The following GRM8 variants were observed in gnomAD, a reference collection of about 807,000 sequenced individuals.
GRM8 encodes the protein glutamate metabotropic receptor 8.
In GRM8, 47 loss-of-function variants were observed where a neutral mutation model predicts 87.2. The observed-to-expected ratio is 0.54, with a 90% confidence interval of 0.43 to 0.69. The LOEUF is 0.69. Ranked by LOEUF, GRM8 falls within the 30% of genes least tolerant of loss-of-function variation. The pLI is 0.00. For missense variants in GRM8, 1,019 were observed against 1,139.2 expected (o/e 0.89, Z 1.52); for synonymous variants, 396 against 404.5 (o/e 0.98, Z 0.25).
In GRM8 at chr7:126,902,657, G is replaced by T. The variant is rs369413691; in HGVS notation, c.1041C>A (p.Ser347Arg). Residue 347 changes from serine (S) to arginine (R), a missense_variant, in exon 6 of 11, where the codon AGC becomes AGA. By Grantham distance (110) the Ser-to-Arg change is moderately radical. Transcript: ENST00000339582. ...TTCTTCGATTATTGGCAAGAGTTCG[G>T]CTTCTAAAGTATCGATCAAATCCTA... ...SIDGFDRYFRSRTLANNRRNV... is the reference protein window; with the variant it reads ...SIDGFDRYFRRRTLANNRRNV... 1.4e-5 allele frequency: 23 copies of T among 1,604,398 alleles called. No homozygotes were observed. The highest frequency in any genetic ancestry group is 1.8e-5 in the Non-Finnish European group (21 of 1,175,606).
intron 3 of GRM8, among the ~76,000 whole-genome samples, chr7:127,046,353 C>G (rs770541608): frequency 7.9e-5 from 12 of 151,328 alleles, no homozygotes; most frequent in Middle Eastern, 3.2e-3. Context: ...GCCTGGGCAA[C>G]AGAGCGAGAC....
At chr7:126,883,973 G>C (rs1379959362) in intron 6 of GRM8, among the ~76,000 whole-genome samples, 1 of 152,088 alleles carries the variant, frequency 6.6e-6, no homozygotes, top group African/African-American at 2.4e-5. Flanking sequence ...TTAGACAGGA[G>C]ACAAAACAGA....
At chr7:127,087,294 C>T (rs1563493823) in intron 3 of GRM8, among the ~76,000 whole-genome samples, 1 of 152,156 alleles carries the variant, frequency 6.6e-6, no homozygotes, top group African/African-American at 2.4e-5. Context: ...CAGGACTGGA[C>T]ATTTTAATAA....
intron 6 of GRM8, among the ~76,000 whole-genome samples, chr7:126,890,266 T>C (rs1328991281): frequency 2.6e-5 from 4 of 152,086 alleles, no homozygotes; most frequent in Non-Finnish European, 5.9e-5. Context: ...TAAGCAACAG[T>C]ATCTGTTATA....
At chr7:126,478,020 C>T (rs1268913896) in intron 9 of GRM8, among the ~76,000 whole-genome samples, 1 of 152,108 alleles carries the variant, frequency 6.6e-6, no homozygotes, top group Non-Finnish European at 1.5e-5. Flanking sequence ...GCCTTCTCTT[C>T]TACTCTAAGG....
At chr7:126,909,816 G>A (rs1229405621) in intron 3 of GRM8, among the ~76,000 whole-genome samples, 1 of 152,078 alleles carries the variant, frequency 6.6e-6, no homozygotes, top group African/African-American at 2.4e-5. Flanking sequence ...TTTCTGATAA[G>A]GAAAATGAGA....
intron 7 of GRM8, among the ~76,000 whole-genome samples, chr7:126,642,047 A>G (rs1045927261): frequency 1.3e-5 from 2 of 152,150 alleles, no homozygotes; most frequent in Non-Finnish European, 2.9e-5. Flanking sequence ...ATGAGTAGAT[A>G]TTGGGTAGGC....
At chr7:127,078,756 A>C (rs150686250) in intron 3 of GRM8, among the ~76,000 whole-genome samples, 1 of 152,242 alleles carries the variant, frequency 6.6e-6, no homozygotes, top group African/African-American at 2.4e-5. Flanking sequence ...GTAACAGCCT[A>C]TCTAAATATT....
chr7:126,815,574 T>A (rs1183375744), intron 6 of GRM8, among the ~76,000 whole-genome samples: 1 of 152,120 alleles, frequency 6.6e-6, no homozygotes, highest in Non-Finnish European at 1.5e-5. Flanking sequence ...ATAGTAATAC[T>A]TCTTGCTGTA....
At chr7:126,748,602 GTTTTTTTT>G (rs35336284) in intron 7 of GRM8, among the ~76,000 whole-genome samples, 5 of 118,778 alleles carry the variant, frequency 4.2e-5, no homozygotes, top group South Asian at 2.7e-4. Context: ...AGCAGGTCGG[GTTTTTTTT>G]TTTTTTTTTT....
chr7:126,700,667 G>C (rs1275735171), intron 7 of GRM8, among the ~76,000 whole-genome samples: 3 of 152,048 alleles, frequency 2.0e-5, no homozygotes, highest in Admixed American at 2.0e-4. Flanking sequence ...CCCTGAGCAG[G>C]TCCATTCTCA....
chr7:126,580,267 C>A (rs929045300), intron 8 of GRM8, among the ~76,000 whole-genome samples: 1 of 152,040 alleles, frequency 6.6e-6, no homozygotes, highest in Non-Finnish European at 1.5e-5. Flanking sequence ...CCAAAATTTT[C>A]TTTTTAAATA....
chr7:126,966,036 G>A (rs145914204), intron 3 of GRM8, among the ~76,000 whole-genome samples: 1 of 152,054 alleles, frequency 6.6e-6, no homozygotes, highest in East Asian at 1.9e-4. Context: ...AGAAGAAATA[G>A]CACTCTCTAA....
intron 6 of GRM8, among the ~76,000 whole-genome samples, chr7:126,771,157 A>T (rs554206897): frequency 1.3e-5 from 2 of 152,144 alleles, no homozygotes; most frequent in African/African-American, 4.8e-5. Flanking sequence ...TAAATTCAAC[A>T]AATATTTGTT....
At chr7:127,151,914 C>G (rs777414205) in intron 2 of GRM8, among the ~76,000 whole-genome samples, 2 of 151,964 alleles carry the variant, frequency 1.3e-5, no homozygotes, top group Non-Finnish European at 2.9e-5. Flanking sequence ...CATTCCAAAG[C>G]CTTTAATTCT....
intron 7 of GRM8, among the ~76,000 whole-genome samples, chr7:126,625,330 G>C (rs1299425111): frequency 6.6e-6 from 1 of 151,736 alleles, no homozygotes; most frequent in Non-Finnish European, 1.5e-5. Flanking sequence ...TATTTACCTT[G>C]GCTAAAATAC....
In GRM8 at chr7:126,446,117, A is replaced by T. The variant is rs113223050; in HGVS notation, c.2677+9T>A. The stretch of plus-strand genomic sequence containing the variant: ...CTCTTGACCATCGGAAACTCTACAG[A>T]TGACTTACTGTTGGTTTCAAGACTC... On this transcript the variant is annotated intron_variant, in intron 10 of 10. Transcript: ENST00000339582. The T allele has an allele frequency of 1.2e-6, 2 of 1,612,442 alleles. No individual in the cohort carries two copies. The highest frequency in any genetic ancestry group is 1.7e-6 in the Non-Finnish European group (2 of 1,178,908).
At chr7:127,233,248 C>G (rs2116823092) in intron 2 of GRM8, among the ~76,000 whole-genome samples, 1 of 152,176 alleles carries the variant, frequency 6.6e-6, no homozygotes, top group Non-Finnish European at 1.5e-5. Context: ...ACTACAGAGC[C>G]CAACCTATTT....
chr7:126,795,115 A>G (rs1821811048), intron 6 of GRM8, among the ~76,000 whole-genome samples: 1 of 152,198 alleles, frequency 6.6e-6, no homozygotes, highest in African/African-American at 2.4e-5. Context: ...TACATTTGGC[A>G]GCCCAAGTTA....
Sources: allele counts gnomAD v4.1 joint callset (sites outside exome capture counted in the v4.1 genomes callset), GRCh38; gene constraint gnomAD v4.1.1; transcripts MANE v1.5; gene names NCBI Gene and HGNC (gene_info 2026-07-23, HGNC 2026-07-21).